Variants in CTNND2 observed in about 807,000 individuals in gnomAD.
CTNND2 encodes catenin delta 2, also known as catenin delta-2.
Under a neutral mutation model 144.4 loss-of-function variants are expected in CTNND2, and 22 were observed. The ratio of observed to expected loss-of-function variants is 0.15; its 90% CI spans 0.11 to 0.22. The LOEUF (loss-of-function observed/expected upper bound fraction) is 0.22, where lower values mean the gene tolerates loss of function less well. CTNND2 is among the 10% of genes least tolerant of loss of function. The pLI is 1.00. For synonymous variants in CTNND2, 751 were observed against 695.6 expected (o/e 1.08, Z -1.25); for missense variants, 1,353 against 1,618.8 (o/e 0.84, Z 2.82).
chr5:11,004,770 C>CAAAAAAA (rs56261802), intron 18 of CTNND2, among the ~76,000 whole-genome samples: 19 of 88,778 alleles, frequency 2.1e-4, no homozygotes, highest in East Asian at 5.9e-4. Context: ...CTCCTTCTCA[C>CAAAAAAA]AAAAAAAAAA....
At chr5:11,604,122 T>C (rs978622538) in intron 2 of CTNND2, among the ~76,000 whole-genome samples, 9 of 152,236 alleles carry the variant, frequency 5.9e-5, no homozygotes, top group African/African-American at 1.9e-4. Context: ...TTTCATGTTT[T>C]GTGAATATTC....
chr5:11,792,532 C>T lies in CTNND2; in HGVS notation c.38-60260G>A, dbSNP rs535589602. On this transcript the variant is annotated intron_variant, in intron 1 of 21. Transcript: ENST00000304623. Reference sequence around the variant, plus strand: ...GAAAAAGTCCTGAGATGCTCCTTCCCCACATATTTTTGTGCAAGCATGAAC... The same window carrying T: ...GAAAAAGTCCTGAGATGCTCCTTCCTCACATATTTTTGTGCAAGCATGAAC... Among the ~76,000 whole-genome samples, 27 of 152,268 alleles carry T rather than the reference C, an allele frequency of 1.8e-4. No homozygotes were observed. In the South Asian group the frequency reaches 5.2e-3, roughly 29 times the overall value.
At chr5:11,072,397 C>T (rs1323103315) in intron 16 of CTNND2, among the ~76,000 whole-genome samples, 2 of 152,170 alleles carry the variant, frequency 1.3e-5, no homozygotes, top group Non-Finnish European at 2.9e-5. Context: ...AGGAAATAAG[C>T]CACTCTATGC....
At chr5:11,772,911 G>T (rs1790031997) in intron 1 of CTNND2, among the ~76,000 whole-genome samples, 1 of 152,140 alleles carries the variant, frequency 6.6e-6, no homozygotes. Context: ...TGGTTGTGGA[G>T]CCTGAAATAA....
In CTNND2 at chr5:11,644,653, G is replaced by A. The variant is rs545856164; in HGVS notation, c.175-79597C>T. 9.1e-4 allele frequency among the ~76,000 whole-genome samples: 120 copies of A among 131,846 alleles called. 1 individual carries two copies. The highest frequency in any genetic ancestry group is 1.4e-3 in the Admixed American group (17 of 12,354). 86.5% of individuals were successfully genotyped at this position (131,846 alleles called of 152,430 possible). A position where few individuals can be genotyped will look rare whatever the true frequency, so the allele number is the denominator to read the frequency against. ...CACGCCACTGCACTCTGGCATGGGC[G>A]AAAGAACAAGACTCCATCTCAAAAA... On this transcript the variant is annotated intron_variant, in intron 2 of 21. Coordinates refer to ENST00000304623, the MANE Select transcript of CTNND2 (RefSeq NM_001332.4).
chr5:11,363,211 C>T (rs980895495), intron 8 of CTNND2, among the ~76,000 whole-genome samples: 2 of 152,012 alleles, frequency 1.3e-5, no homozygotes, highest in Admixed American at 1.3e-4. Flanking sequence ...GATATCTTCC[C>T]TGTGTTTAAT....
intron 1 of CTNND2, among the ~76,000 whole-genome samples, chr5:11,825,225 C>T (rs745948829): frequency 9.9e-5 from 15 of 151,816 alleles, no homozygotes; most frequent in East Asian, 1.9e-4. Flanking sequence ...GGTGGGAACA[C>T]GCACAAAGTG....
chr5:11,452,445 T>C (rs1765386223), intron 3 of CTNND2, among the ~76,000 whole-genome samples: 1 of 152,190 alleles, frequency 6.6e-6, no homozygotes. Context: ...GAAACACTGA[T>C]GTCCAGAGAA....
At chr5:11,019,655 T>C (rs1048149095) in intron 17 of CTNND2, among the ~76,000 whole-genome samples, 1 of 152,228 alleles carries the variant, frequency 6.6e-6, no homozygotes, top group Non-Finnish European at 1.5e-5. Context: ...ATGGATGCCA[T>C]GGAAATTTCT....
chr5:11,578,883 T>C (rs570966653), intron 2 of CTNND2, among the ~76,000 whole-genome samples: 1 of 152,264 alleles, frequency 6.6e-6, no homozygotes, highest in Non-Finnish European at 1.5e-5. Flanking sequence ...ACGCTTTTGT[T>C]TCATCTGAGA....
chr5:11,421,028 A>G, intron 3 of CTNND2, among the ~76,000 whole-genome samples: 1 of 152,112 alleles, frequency 6.6e-6, no homozygotes, highest in East Asian at 1.9e-4. Context: ...GATCCCTGAG[A>G]GGTCAGAAGC....
At chr5:11,352,610 T>C (rs1192621665) in intron 8 of CTNND2, among the ~76,000 whole-genome samples, 1 of 152,156 alleles carries the variant, frequency 6.6e-6, no homozygotes, top group Non-Finnish European at 1.5e-5. Flanking sequence ...TGTTGAAACT[T>C]TGAATAACAT....
chr5:11,212,337 G>A (rs371837578), intron 10 of CTNND2, among the ~76,000 whole-genome samples: 32 of 152,198 alleles, frequency 2.1e-4, no homozygotes, highest in African/African-American at 7.0e-4. Flanking sequence ...TGGGGTAATT[G>A]TTTCTGGAAG....
At chr5:11,798,441 A>G (rs910642485) in intron 1 of CTNND2, among the ~76,000 whole-genome samples, 15 of 152,088 alleles carry the variant, frequency 9.9e-5, no homozygotes, top group African/African-American at 3.6e-4. Context: ...GTATGAAGTG[A>G]GAGTCCACAT....
chr5:11,725,695 T>C (rs922198554), intron 2 of CTNND2, among the ~76,000 whole-genome samples: 1 of 152,128 alleles, frequency 6.6e-6, no homozygotes, highest in African/African-American at 2.4e-5. Context: ...AGAGGAAAAA[T>C]ATATGATTTA....
chr5:11,320,273 A>G (rs1389262527), intron 9 of CTNND2, among the ~76,000 whole-genome samples: 2 of 152,208 alleles, frequency 1.3e-5, no homozygotes, highest in Admixed American at 6.5e-5. Context: ...GTTGTTCTTC[A>G]TAAACATTAA....
At chr5:11,052,682 C>T (rs918474310) in intron 16 of CTNND2, among the ~76,000 whole-genome samples, 5 of 152,120 alleles carry the variant, frequency 3.3e-5, no homozygotes, top group African/African-American at 1.2e-4. Context: ...TGCTGTCCCC[C>T]TTACCACAGT....
chr5:11,457,975 A>G (rs1486549274), intron 3 of CTNND2, among the ~76,000 whole-genome samples: 1 of 152,212 alleles, frequency 6.6e-6, no homozygotes, highest in Non-Finnish European at 1.5e-5. Context: ...CTTGGACTTC[A>G]GCTCAGTTCC....
chr5:11,127,387 G>A (rs972089183), intron 12 of CTNND2, among the ~76,000 whole-genome samples: 1 of 152,160 alleles, frequency 6.6e-6, no homozygotes, highest in African/African-American at 2.4e-5. Context: ...TGTCCTTGTC[G>A]TTCTGTGCAG....
Sources: gnomAD v4.1 joint callset for allele counts (sites outside exome capture counted in the v4.1 genomes callset) on GRCh38, gnomAD v4.1.1 for gene constraint, MANE v1.5 for transcripts, NCBI Gene and HGNC (gene_info 2026-07-23, HGNC 2026-07-21) for gene names.